LRMDA: variants seen among roughly 807,000 people sequenced by gnomAD.
The protein encoded by LRMDA is leucine-rich melanocyte differentiation-associated protein.
LRMDA carries 18 observed loss-of-function variants against 29.8 expected under a neutral mutation model. The observed-to-expected ratio is 0.60, with a 90% CI of 0.42 to 0.90. The LOEUF (loss-of-function observed/expected upper bound fraction) is 0.90. Among genes scored for constraint, LRMDA ranks in the 40% least tolerant of loss-of-function variants. The pLI, the probability that LRMDA is intolerant of heterozygous loss-of-function variation, is 0.00. For synonymous variants in LRMDA, 125 were observed against 109.4 expected (o/e 1.14, Z -0.89); for missense variants, 273 against 273.9 (o/e 1.00, Z 0.02).
At chr10:76,190,982 G>C (rs772593732) in intron 5 of LRMDA, among the ~76,000 whole-genome samples, 1 of 152,122 alleles carries the variant, frequency 6.6e-6, no homozygotes, top group Non-Finnish European at 1.5e-5. Context: ...AACCCCGAGC[G>C]GCTTTGCTCT....
chr10:76,379,662 G>A (rs1041478376), intron 6 of LRMDA, among the ~76,000 whole-genome samples: 12 of 151,960 alleles, frequency 7.9e-5, no homozygotes, highest in Non-Finnish European at 1.0e-4. Context: ...TCAAAAAAAC[G>A]ACTTTTTGTT....
At chr10:75,943,556 C>T (rs1057314965) in intron 2 of LRMDA, among the ~76,000 whole-genome samples, 1 of 152,160 alleles carries the variant, frequency 6.6e-6, no homozygotes, top group African/African-American at 2.4e-5. Flanking sequence ...TCATGGATTT[C>T]CTCTCTGTTA....
chr10:75,945,078 A>G (rs1259644757), intron 2 of LRMDA, among the ~76,000 whole-genome samples: 1 of 152,178 alleles, frequency 6.6e-6, no homozygotes, highest in Non-Finnish European at 1.5e-5. Context: ...TGGACATTGT[A>G]GACAATACAT....
chr10:76,028,635 A>T (rs1848099505), intron 2 of LRMDA, among the ~76,000 whole-genome samples: 2 of 152,098 alleles, frequency 1.3e-5, no homozygotes, highest in Non-Finnish European at 2.9e-5. Flanking sequence ...AAAAACAACA[A>T]AAAACAAAAA....
chr10:76,430,881 G>C (rs1842183640), intron 6 of LRMDA, among the ~76,000 whole-genome samples: 3 of 152,094 alleles, frequency 2.0e-5, no homozygotes, highest in Non-Finnish European at 1.5e-5. Flanking sequence ...AGCTTTCTGA[G>C]TATTTTTTCC....
At chr10:75,679,520 T>G (rs1841999813) in intron 2 of LRMDA, among the ~76,000 whole-genome samples, 1 of 152,194 alleles carries the variant, frequency 6.6e-6, no homozygotes, top group Admixed American at 6.5e-5. Context: ...CTGGATCTCC[T>G]TCTCCATCGG....
chr10:76,013,295 A>T (rs922323174), intron 2 of LRMDA, among the ~76,000 whole-genome samples: 16 of 138,102 alleles, frequency 1.2e-4, no homozygotes, highest in African/African-American at 4.0e-4. Flanking sequence ...AGATGATTTA[A>T]TTTTTTTTTT....
intron 2 of LRMDA, among the ~76,000 whole-genome samples, chr10:75,551,433 CATT>C (rs1564798339): frequency 6.6e-6 from 1 of 152,052 alleles, no homozygotes; most frequent in Non-Finnish European, 1.5e-5. Context: ...TTGCTGCACT[CATT>C]AACCCATCAT....
At position 75,903,536 on chromosome 10, in the gene LRMDA, T is replaced by C. The variant is rs138436157; in HGVS notation, c.132-132472T>C. ...TGCCTGCGTTTTAGGGCTAAAGCCA[T>C]TCCCCGCATTTGCATAGTTTATTTC... On this transcript the variant is annotated intron_variant, in intron 2 of 6. Transcript: ENST00000611255. Among the ~76,000 whole-genome samples the C allele has an allele frequency of 1.4e-4, 21 of 152,372 alleles. No individual in the cohort carries two copies. In the East Asian group the frequency reaches 3.3e-3, roughly 24 times the overall value.
chr10:76,244,503 T>C (rs1203776262), intron 5 of LRMDA, among the ~76,000 whole-genome samples: 2 of 152,040 alleles, frequency 1.3e-5, no homozygotes, highest in South Asian at 2.1e-4. Flanking sequence ...GAGAGCCATG[T>C]AGATATTAAA....
chr10:75,603,854 A>G (rs1219928396), intron 2 of LRMDA, among the ~76,000 whole-genome samples: 1 of 152,190 alleles, frequency 6.6e-6, no homozygotes, highest in Non-Finnish European at 1.5e-5. Context: ...ATTGTTCCCT[A>G]TGCATAAATA....
intron 2 of LRMDA, among the ~76,000 whole-genome samples, chr10:75,947,913 A>T (rs1052805603): frequency 6.6e-6 from 1 of 152,190 alleles, no homozygotes. Flanking sequence ...TGGATTCTGT[A>T]GATAAAGTTC....
chr10:76,048,274 T>G (rs147400961), intron 4 of LRMDA, among the ~76,000 whole-genome samples: 37 of 152,314 alleles, frequency 2.4e-4, no homozygotes, highest in Non-Finnish European at 5.0e-4. Flanking sequence ...ATTCATTCAT[T>G]CATGGGGCCA....
intron 5 of LRMDA, among the ~76,000 whole-genome samples, chr10:76,092,782 A>G (rs1849250608): frequency 6.6e-6 from 1 of 152,234 alleles, no homozygotes; most frequent in Non-Finnish European, 1.5e-5. Context: ...CAATTCCAAT[A>G]TTAAGGAAGT....
chr10:76,146,716 G>T (rs528024565), intron 5 of LRMDA, among the ~76,000 whole-genome samples: 1,991 of 152,240 alleles, frequency 0.013, 31 homozygotes, highest in African/African-American at 0.045. Context: ...GTGTGAATTT[G>T]ATCCTGTCAT....
At chr10:75,668,236 T>C (rs1210551945) in intron 2 of LRMDA, among the ~76,000 whole-genome samples, 1 of 152,198 alleles carries the variant, frequency 6.6e-6, no homozygotes, top group African/African-American at 2.4e-5. Context: ...GCTCTTTTCT[T>C]CTCAGACTGG....
intron 5 of LRMDA, among the ~76,000 whole-genome samples, chr10:76,247,065 C>T (rs376309346): frequency 1.3e-5 from 2 of 152,190 alleles, no homozygotes; most frequent in Non-Finnish European, 2.9e-5. Flanking sequence ...ATTCCAGTGA[C>T]GATCTTGTCT....
At chr10:76,148,145 A>T (rs1850365123) in intron 5 of LRMDA, among the ~76,000 whole-genome samples, 1 of 152,124 alleles carries the variant, frequency 6.6e-6, no homozygotes. Flanking sequence ...GACCCACTTG[A>T]GGAGGCAGTC....
intron 2 of LRMDA, among the ~76,000 whole-genome samples, chr10:75,637,277 T>G (rs1841400628): frequency 6.6e-6 from 1 of 152,244 alleles, no homozygotes; most frequent in Admixed American, 6.5e-5. Flanking sequence ...GTCTGTGCCT[T>G]GTCCATTAAA....
Sources: gnomAD v4.1 joint callset for allele counts (sites outside exome capture counted in the v4.1 genomes callset) on GRCh38, gnomAD v4.1.1 for gene constraint, MANE v1.5 for transcripts, NCBI Gene and HGNC (gene_info 2026-07-23, HGNC 2026-07-21) for gene names.